RNASEH1: variants seen among roughly 807,000 people sequenced by gnomAD.
RNASEH1 encodes the protein ribonuclease H1.
A neutral mutation model predicts 34.6 loss-of-function variants in RNASEH1; 27 were observed. The ratio of observed to expected loss-of-function variants is 0.78; its 90% CI spans 0.58 to 1.08. The LOEUF is 1.08. Ranked by LOEUF, RNASEH1 falls within the 50% of genes least tolerant of loss-of-function variation. The pLI is 0.00. For synonymous variants in RNASEH1, 162 were observed against 138.4 expected (o/e 1.17, Z -1.20); for missense variants, 349 against 373.6 (o/e 0.93, Z 0.54).
the RNASEH1 span, among the ~76,000 whole-genome samples, chr2:3,535,713 C>T: frequency 3.3e-5 from 5 of 152,224 alleles, no homozygotes; most frequent in Admixed American, 1.3e-4. Flanking sequence ...AAGGAAGTCA[C>T]GGGAGGGTCC....
intron 5 of RNASEH1, 40 bp from the exon 6 acceptor site, chr2:3,548,764 T>C: frequency 7.0e-7 from 1 of 1,432,992 alleles, no homozygotes. Context: ...CAGAAAATGT[T>C]CAACTCTGAC....
downstream of RNASEH1, among the ~76,000 whole-genome samples, chr2:3,538,865 G>A (rs1419648863): frequency 6.6e-6 from 1 of 152,196 alleles, no homozygotes; most frequent in Non-Finnish European, 1.5e-5. Context: ...GTGAGCACAC[G>A]TTTCCAGGCA....
the RNASEH1 span, among the ~76,000 whole-genome samples, chr2:3,532,501 T>C: frequency 1.3e-5 from 2 of 152,070 alleles, 1 homozygote; most frequent in Non-Finnish European, 2.9e-5. Context: ...CCTTAGGTGA[T>C]TTCACACCCC....
chr2:3,553,684 C>T (rs967002794), intron 2 of RNASEH1, among the ~76,000 whole-genome samples: 5 of 151,284 alleles, frequency 3.3e-5, no homozygotes, highest in African/African-American at 1.2e-4. Context: ...GCCGCTGCGC[C>T]CGGCCCCAAA....
intron 2 of RNASEH1, among the ~76,000 whole-genome samples, chr2:3,555,323 C>A (rs73137073): frequency 0.15 from 22,701 of 152,186 alleles, 2,154 homozygotes; most frequent in African/African-American, 0.26. Context: ...TTCCTTGCCC[C>A]AACACCTTGT....
chr2:3,548,554 T>C (rs1668976709), intron 6 of RNASEH1, 86 bp downstream of exon 6: 11 of 840,514 alleles, frequency 1.3e-5, no homozygotes, highest in Middle Eastern at 3.5e-4. Context: ...CCGTTCCCAT[T>C]TGGGTCCTGC....
intron 2 of RNASEH1, among the ~76,000 whole-genome samples, chr2:3,554,962 G>A (rs935721770): frequency 2.0e-5 from 3 of 152,326 alleles, no homozygotes; most frequent in East Asian, 1.9e-4. Flanking sequence ...CGTATAGGCC[G>A]AGTGAACTAT....
chr2:3,537,318 A>G (rs1668036279), downstream of RNASEH1, among the ~76,000 whole-genome samples: 1 of 152,210 alleles, frequency 6.6e-6, no homozygotes, highest in South Asian at 2.1e-4. Flanking sequence ...TGCTGGTCAG[A>G]GTCCCACAGC....
At chr2:3,548,393 A>C (rs1218394411) in intron 6 of RNASEH1, among the ~76,000 whole-genome samples, 1 of 152,194 alleles carries the variant, frequency 6.6e-6, no homozygotes, top group Non-Finnish European at 1.5e-5. Flanking sequence ...ACTTATACAC[A>C]CACAGACTAG....
chr2:3,544,783 T>A lies in RNASEH1; in HGVS notation c.*1002A>T, dbSNP rs1243266195. The A allele has an allele frequency of 1.3e-5, 2 of 152,168 alleles. No homozygotes were observed. Among genetic ancestry groups the A allele is most frequent in the Non-Finnish European group, 2.9e-5 (2 of 68,042 alleles). 9.4% of individuals were successfully genotyped at this position (152,168 alleles called of 1,614,324 possible). Reference sequence around the variant, plus strand: ...ATCATGTCAAACTTTTACTACTTTTTTTTTTTTTTGAGACAGAGTCTCACT... The same window carrying A: ...ATCATGTCAAACTTTTACTACTTTTATTTTTTTTTGAGACAGAGTCTCACT... On this transcript the variant is annotated 3_prime_UTR_variant, in exon 8 of 8. Transcript: ENST00000315212.
At chr2:3,540,677 G>T (rs1203079430), downstream of RNASEH1, among the ~76,000 whole-genome samples, 1 of 152,194 alleles carries the variant, frequency 6.6e-6, no homozygotes, top group Admixed American at 6.5e-5. Context: ...AAAGTGCTGG[G>T]ACTACAGGCG....
intron 7 of RNASEH1, among the ~76,000 whole-genome samples, chr2:3,546,901 A>C (rs1003336169): frequency 3.3e-5 from 5 of 152,206 alleles, no homozygotes; most frequent in African/African-American, 1.2e-4. Flanking sequence ...GGCAGGTGGA[A>C]TGTTTGAGAT....
chr2:3,558,100 G>T (rs748617428), intron 1 of RNASEH1, 33 bp downstream of exon 1: 6 of 1,566,488 alleles, frequency 3.8e-6, no homozygotes, highest in Non-Finnish European at 5.2e-6. Flanking sequence ...CCCGATGCCG[G>T]CAGGGAGGCG....
the RNASEH1 span, chr2:3,532,313 G>A: frequency 1.4e-6 from 1 of 702,390 alleles, no homozygotes; most frequent in South Asian, 1.5e-5. Context: ...TAATGATGCT[G>A]TGGGAACAAG....
chr2:3,534,856 A>C, the RNASEH1 span, among the ~76,000 whole-genome samples: 2 of 152,208 alleles, frequency 1.3e-5, no homozygotes, highest in African/African-American at 4.8e-5. Context: ...ACCTGCTACC[A>C]TGTGGAGGAA....
At chr2:3,549,195 G>C (rs1572303455) in intron 4 of RNASEH1, 83 bp from the exon 5 acceptor site, 1 of 998,476 alleles carries the variant, frequency 1.0e-6, no homozygotes, top group Non-Finnish European at 1.6e-6. Flanking sequence ...CGATAAACTA[G>C]TGTGTATTCT....
Position 3,558,175 on chromosome 2 carries a change from T to C in RNASEH1, c.86A>G (p.Tyr29Cys), listed in dbSNP as rs778022365. The change falls in exon 1 of 8, where the codon TAT becomes TGT. Residue 29 changes from tyrosine (Y) to cysteine (C), a missense_variant. Transcript: ENST00000315212. Reference sequence around the variant, plus strand: ...GGTCTTGCGGCCCCTCCTCACGGCATAGAACATCCCGAACCCGCGAGAGCC... The same window carrying C: ...GGTCTTGCGGCCCCTCCTCACGGCACAGAACATCCCGAACCCGCGAGAGCC... ...RRGSRGFGMF[Y>C]AVRRGRKTGV... 9.4e-6 allele frequency: 15 copies of C among 1,603,850 alleles called. No homozygotes were observed. The highest frequency in any genetic ancestry group is 2.2e-5 in the South Asian group (2 of 89,798).
At chr2:3,547,551 G>C (rs142953961) in intron 7 of RNASEH1, among the ~76,000 whole-genome samples, 28,623 of 150,734 alleles carry the variant, frequency 0.19, 2,906 homozygotes, top group African/African-American at 0.27. Context: ...GCAGTGGCGC[G>C]ATCTCAGCTC....
In RNASEH1 at chr2:3,550,121, C is replaced by G. The variant is rs1029554084; in HGVS notation, c.509+252G>C. 7.4e-6 allele frequency: 3 copies of G among 406,644 alleles called. No homozygotes were observed. In the African/African-American group the frequency reaches 7.7e-5, roughly 10 times the overall value. 25.2% of individuals were successfully genotyped at this position (406,644 alleles called of 1,614,324 possible). A position where few individuals can be genotyped will look rare whatever the true frequency, so the allele number is the denominator to read the frequency against. On this transcript the variant is annotated intron_variant, in intron 4 of 7. Coordinates refer to ENST00000315212, the MANE Select transcript of RNASEH1 (RefSeq NM_002936.6). ...TTGTGCCACTGTACTCCATCCTGGG[C>G]AACAGTGTGAGACCGTGTCTTAAAA...
Sources: gnomAD v4.1 joint callset for allele counts (sites outside exome capture counted in the v4.1 genomes callset) on GRCh38, gnomAD v4.1.1 for gene constraint, MANE v1.5 for transcripts, NCBI Gene and HGNC (gene_info 2026-07-23, HGNC 2026-07-21) for gene names.